The following CACNA1I variants were observed in gnomAD, a reference collection of about 807,000 sequenced individuals.
The protein encoded by CACNA1I is calcium voltage-gated channel subunit alpha1 I.
In CACNA1I, 74 loss-of-function variants were observed where a neutral mutation model predicts 201.6. That is an observed-to-expected ratio of 0.37 (90% CI 0.30 to 0.45). The LOEUF (loss-of-function observed/expected upper bound fraction) is 0.45. Among genes scored for constraint, CACNA1I ranks in the 20% least tolerant of loss-of-function variants. CACNA1I has a pLI of 1.00. For synonymous variants in CACNA1I, 1,431 were observed against 1,345.2 expected (o/e 1.06, Z -1.40); for missense variants, 2,346 against 3,138.1 (o/e 0.75, Z 6.03).
rs554980137 is a variant in CACNA1I, at chr22:39,659,908, G to C, written c.2604+56G>C. On this transcript the variant is annotated intron_variant, in intron 14 of 36. Coordinates refer to ENST00000402142, the MANE Select transcript of CACNA1I (RefSeq NM_021096.4). This position sits in a 1 kb window ranked among gnomAD's most constrained non-coding sequence, Gnocchi z 4.3. ...CCACAGGGTCTGCGAAAGACTGGGC[G>C]AGGGAGAGGTGGCCTGGATGGGGGA... The C allele has an allele frequency of 3.7e-6, 6 of 1,602,794 alleles. No homozygotes were observed. In the South Asian group the frequency reaches 5.5e-5, roughly 15 times the overall value.
Position 39,670,757 on chromosome 22 carries a change from C to T in CACNA1I, c.4388-46C>T, listed in dbSNP as rs763155820. 11 of 1,606,074 alleles carry T rather than the reference C, an allele frequency of 6.8e-6. No homozygotes were observed. In the Admixed American group the frequency reaches 1.0e-4, roughly 15 times the overall value. Reference sequence around the variant, plus strand: ...TTGTGCTCTGTGCCCTTTCCCTTGACCCCAACCCTCTGTGGTCTTTGCCAC... The same window carrying T: ...TTGTGCTCTGTGCCCTTTCCCTTGATCCCAACCCTCTGTGGTCTTTGCCAC... On this transcript the variant is annotated intron_variant, in intron 25 of 36. Transcript: ENST00000402142.
chr22:39,686,351 A>G lies in CACNA1I; in HGVS notation c.6618A>G (p.Gln2206=), dbSNP rs1342204988. 11 of 1,313,896 alleles carry G rather than the reference A, an allele frequency of 8.4e-6. No homozygotes were observed. The South Asian group carries it at 1.9e-4, about 23-fold the overall frequency. The allele number at this position is 1,313,896 out of a possible 1,614,324, so 81.4% of individuals were successfully genotyped here. A position where few individuals can be genotyped will look rare whatever the true frequency, so the allele number is the denominator to read the frequency against. The change falls in exon 37 of 37, where the codon CAA becomes CAG. Residue 2206 remains glutamine, a synonymous_variant. Transcript: ENST00000402142. ...TGGGCCCCTTGGCGCCCCCGCCGCA[A>G]CCGCTCCCCGGAGAGCTGGAGCCGG... is the stretch of plus-strand genomic sequence containing the variant. ...MGLGPLAPPP[Q]PLPGELEPGD...
intron 7 of CACNA1I, 66 bp from the exon 8 acceptor site, chr22:39,646,503 C>T (rs944212130): frequency 6.7e-7 from 1 of 1,481,740 alleles, no homozygotes; most frequent in African/African-American, 1.4e-5. Context: ...ATGACTCTGC[C>T]TCTCTCACCC....
At chr22:39,585,407 T>TTTTC (rs1835727505) in intron 1 of CACNA1I, among the ~76,000 whole-genome samples, 1 of 97,798 alleles carries the variant, frequency 1.0e-5, no homozygotes, top group African/African-American at 4.3e-5. Context: ...TTTTTTTTTT[T>TTTTC]GAGACTGAGT....
At position 39,659,377 on chromosome 22, in the gene CACNA1I, T is replaced by C; in HGVS notation, c.2331-56T>C. The C allele has an allele frequency of 4.2e-6, 5 of 1,189,802 alleles. No individual in the cohort carries two copies. Among genetic ancestry groups the C allele is most frequent in the Non-Finnish European group, 4.9e-6 (4 of 818,224 alleles). 73.7% of individuals were successfully genotyped at this position (1,189,802 alleles called of 1,614,324 possible). ...TGAGTTGACTGAGAATGAAACAAGG[T>C]GAGTAGGCAGTTTGGTGCATGTGAG... On this transcript the variant is annotated intron_variant, in intron 12 of 36. Transcript: ENST00000402142. The surrounding 1 kb of genome is among the most constrained non-coding windows in gnomAD (Gnocchi z 4.3).
intron 4 of CACNA1I, among the ~76,000 whole-genome samples, chr22:39,627,073 T>C (rs1933919040): frequency 6.6e-6 from 1 of 152,218 alleles, no homozygotes; most frequent in African/African-American, 2.4e-5. Context: ...AGCTTTTCAC[T>C]CTGTGTCAGT....
intron 16 of CACNA1I, among the ~76,000 whole-genome samples, 160 bp from the exon 17 acceptor site, chr22:39,661,805 G>A (rs190246004): frequency 1.8e-4 from 28 of 152,362 alleles, no homozygotes; most frequent in African/African-American, 6.3e-4. Flanking sequence ...GAGTGAGGTG[G>A]GACAGGGAGA....
At chr22:39,587,776 T>C in intron 1 of CACNA1I, 1 of 439,424 alleles carries the variant, frequency 2.3e-6, no homozygotes, top group Non-Finnish European at 4.5e-6. Context: ...ATTTGATTTA[T>C]AATTATTATT....
rs915517181 is a variant in CACNA1I at position 39,686,384 on chromosome 22, C to T, written c.6651C>T (p.Ala2217=). Reference sequence around the variant, plus strand: ...CCGGAGAGCTGGAGCCGGGAGACGCCGCCAGCAAGAGGAAGAGATGAGGGT... The same window carrying T: ...CCGGAGAGCTGGAGCCGGGAGACGCTGCCAGCAAGAGGAAGAGATGAGGGT... ...PLPGELEPGD[A]ASKRKR is the part of the protein sequence containing the mutation. Residue 2217 remains alanine, a synonymous_variant, in exon 37 of 37, where the codon GCC becomes GCT. Transcript: ENST00000402142. 1.7e-5 allele frequency: 22 copies of T among 1,292,278 alleles called. No homozygotes were observed. In the African/African-American group the frequency reaches 2.0e-4, roughly 12 times the overall value. 80.1% of individuals were successfully genotyped at this position (1,292,278 alleles called of 1,614,324 possible). A position where few individuals can be genotyped will look rare whatever the true frequency, so the allele number is the denominator to read the frequency against.
rs1308275131 is a variant in CACNA1I at position 39,649,527 on chromosome 22, G to A, written c.1594G>A (p.Asp532Asn). Residue 532 changes from aspartate (D) to asparagine (N), a missense_variant, in exon 10 of 37, where the codon GAT becomes AAT. Around this residue, in one of 13 missense-constraint regions of CACNA1I, gnomAD observed 312 missense variants for 331.5 expected, o/e 0.94. Coordinates refer to ENST00000402142, the MANE Select transcript of CACNA1I (RefSeq NM_021096.4). The surrounding 1 kb of genome is among the most constrained non-coding windows in gnomAD (Gnocchi z 7.3). ...RELCPQHSPL[D>N]ATPHTLVQPI... ...GCTGTGCCCGCAACATAGCCCCCTG[G>A]ATGCGACGCCCCACACCCTGGTGCA... 4 of 1,561,236 alleles carry A rather than the reference G, an allele frequency of 2.6e-6. No homozygotes were observed. The East Asian group carries it at 7.2e-5, about 28-fold the overall frequency.
chr22:39,659,069 C>T lies in CACNA1I; in HGVS notation c.2283C>T (p.Asn761=), dbSNP rs767575158. 7.4e-6 allele frequency: 12 copies of T among 1,613,436 alleles called. No individual in the cohort carries two copies. The highest frequency in any genetic ancestry group is 4.0e-5 in the African/African-American group (3 of 74,928). ...QLVVLMKTMD[N]VATFCMLLML... is the part of the protein sequence containing the mutation. ...TGGTGCTCATGAAGACCATGGACAA[C>T]GTGGCCACCTTCTGCATGCTGCTCA... Residue 761 remains asparagine, a synonymous_variant, in exon 12 of 37, where the codon AAC becomes AAT. Transcript: ENST00000402142. The surrounding 1 kb of genome is among the most constrained non-coding windows in gnomAD (Gnocchi z 4.3).
chr22:39,657,744 C>T (rs1934868987), intron 10 of CACNA1I, among the ~76,000 whole-genome samples: 1 of 152,228 alleles, frequency 6.6e-6, no homozygotes, highest in Non-Finnish European at 1.5e-5. Context: ...GGTAAGTGCT[C>T]ACTAAATGGG....
At position 39,619,332 on chromosome 22, in the gene CACNA1I, C is replaced by T; in HGVS notation, c.505C>T (p.Leu169Phe). The T allele has an allele frequency of 6.2e-7, 1 of 1,609,762 alleles. No homozygotes were observed. ...CAGGATGGTCGAGTACTCCCTGGAC[C>T]TTCAGAACATCAACCTGTCAGCCAT... The part of the protein sequence containing the change: ...MAGMVEYSLD[L>F]QNINLSAIRT... Residue 169 changes from leucine to phenylalanine, a missense_variant, in exon 4 of 37, where the codon CTT (leucine) becomes TTT (phenylalanine). Leu to Phe is a conservative substitution (Grantham distance 22, BLOSUM62 0). Transcript: ENST00000402142.
chr22:39,585,735 T>TG (rs1324189476), intron 1 of CACNA1I, among the ~76,000 whole-genome samples: 1 of 139,180 alleles, frequency 7.2e-6, no homozygotes, highest in Non-Finnish European at 1.6e-5. Context: ...AAGTTTTTTT[T>TG]TTTTTTTTTT....
Position 39,648,257 on chromosome 22 carries a change from G to A in CACNA1I, c.1567+331G>A, listed in dbSNP as rs368687119. ...GTGCCAGCCATCCAGGCGTGGGCTC[G>A]GAGGAGGCCCCAGGTGGCCCGTGGG... On this transcript the variant is annotated intron_variant, in intron 9 of 36. Transcript: ENST00000402142. The surrounding 1 kb of genome is among the most constrained non-coding windows in gnomAD (Gnocchi z 5.4). 3.2e-4 allele frequency among the ~76,000 whole-genome samples: 49 copies of A among 152,116 alleles called. No individual in the cohort carries two copies. Among genetic ancestry groups the A allele is most frequent in the African/African-American group, 1.1e-3 (45 of 41,428 alleles).
chr22:39,646,455 G>C, intron 7 of CACNA1I, 114 bp from the exon 8 acceptor site: 1 of 1,430,088 alleles, frequency 7.0e-7, no homozygotes, highest in South Asian at 1.5e-5. Flanking sequence ...ATCTCCCTCT[G>C]CCTCCCTCTC....
Position 39,684,489 on chromosome 22 carries a change from C to A in CACNA1I, c.6018C>A (p.Leu2006=), listed in dbSNP as rs776503435. 1 of 1,612,826 alleles carries A rather than the reference C, an allele frequency of 6.2e-7. No individual in the cohort carries two copies. Among genetic ancestry groups the A allele is most frequent in the Non-Finnish European group, 8.5e-7 (1 of 1,179,694 alleles). The change falls in exon 36 of 37, where the codon CTC becomes CTA. Residue 2006 remains leucine (L), a synonymous_variant. Coordinates refer to ENST00000402142, the MANE Select transcript of CACNA1I (RefSeq NM_021096.4). The surrounding 1 kb of genome is among the most constrained non-coding windows in gnomAD (Gnocchi z 4.6). Reference sequence around the variant, plus strand: ...GGTCACCAAGGGTCAACTGTACCCTCCTCCGGCAGGTACCGACACCTCCCA... The same window carrying A: ...GGTCACCAAGGGTCAACTGTACCCTACTCCGGCAGGTACCGACACCTCCCA... The part of the protein sequence containing the change: ...SLRSPRVNCT[L]LRQATGSDTS...
At chr22:39,616,582 T>C (rs1018484983) in intron 3 of CACNA1I, among the ~76,000 whole-genome samples, 4 of 152,016 alleles carry the variant, frequency 2.6e-5, no homozygotes, top group East Asian at 1.9e-4. Context: ...CTGACCAACA[T>C]GGAGAAACTC....
At chr22:39,582,978 C>CTCCA (rs1222283035) in intron 1 of CACNA1I, among the ~76,000 whole-genome samples, 1 of 132,354 alleles carries the variant, frequency 7.6e-6, no homozygotes, top group Non-Finnish European at 1.6e-5. Flanking sequence ...CCATCCATCC[C>CTCCA]TCCATCCATC....
Sources: gnomAD v4.1 joint callset for allele counts (sites outside exome capture counted in the v4.1 genomes callset) on GRCh38, gnomAD v4.1.1 for gene constraint, gnomAD v4.1.1 regional missense constraint, Gnocchi (gnomAD v3.1) non-coding constraint, MANE v1.5 for transcripts, NCBI Gene and HGNC (gene_info 2026-07-23, HGNC 2026-07-21) for gene names.